The following DGKB variants were observed in gnomAD, a reference collection of about 807,000 sequenced individuals.
DGKB encodes the protein 90 kDa diacylglycerol kinase.
DGKB carries 67 observed loss-of-function variants against 114.3 expected under a neutral mutation model. That is an observed-to-expected ratio of 0.59 (90% CI 0.48 to 0.72). DGKB has a LOEUF of 0.72. DGKB is among the 30% of genes least tolerant of loss of function. The pLI is 0.00. For synonymous variants in DGKB, 398 were observed against 323.1 expected (o/e 1.23, Z -2.49); for missense variants, 907 against 975.2 (o/e 0.93, Z 0.93).
At chr7:14,844,621 C>G (rs4721380) in intron 1 of DGKB, among the ~76,000 whole-genome samples, 2 of 152,080 alleles carry the variant, frequency 1.3e-5, no homozygotes, top group East Asian at 1.9e-4. Flanking sequence ...CTTCTTAACT[C>G]GCTCCCTGAG....
intron 1 of DGKB, among the ~76,000 whole-genome samples, chr7:14,844,409 T>C (rs371781023): frequency 6.6e-6 from 1 of 152,164 alleles, no homozygotes; most frequent in South Asian, 2.1e-4. Context: ...TTTTTGTAAA[T>C]ATAGGTGATT....
intron 2 of DGKB, among the ~76,000 whole-genome samples, chr7:14,826,900 G>A (rs1273118096): frequency 6.6e-6 from 1 of 152,104 alleles, no homozygotes; most frequent in Non-Finnish European, 1.5e-5. Context: ...TGTAAACACT[G>A]TTTGTCTTAA....
chr7:14,272,507 T>G (rs2128436168), intron 23 of DGKB, among the ~76,000 whole-genome samples: 1 of 152,358 alleles, frequency 6.6e-6, no homozygotes, highest in South Asian at 2.1e-4. Context: ...ACCATTTTTC[T>G]ATTGAGATTT....
intron 21 of DGKB, among the ~76,000 whole-genome samples, chr7:14,449,195 TAGTA>T (rs1400892511): frequency 6.6e-6 from 1 of 152,106 alleles, no homozygotes; most frequent in Non-Finnish European, 1.5e-5. Context: ...CAAGTAATTT[TAGTA>T]AGTAATTTTT....
chr7:14,251,170 G>C (rs1419206312), intron 23 of DGKB, among the ~76,000 whole-genome samples: 1 of 151,988 alleles, frequency 6.6e-6, no homozygotes, highest in Non-Finnish European at 1.5e-5. Context: ...CTGTTATTTT[G>C]TTGTTTTCTG....
intron 2 of DGKB, among the ~76,000 whole-genome samples, chr7:14,826,702 A>G (rs1409590294): frequency 2.0e-5 from 3 of 152,136 alleles, no homozygotes; most frequent in Non-Finnish European, 4.4e-5. Flanking sequence ...TCTGGGCTTT[A>G]ATTTCCTCAT....
At chr7:14,684,050 G>C (rs756578006) in intron 10 of DGKB, among the ~76,000 whole-genome samples, 3 of 152,042 alleles carry the variant, frequency 2.0e-5, no homozygotes, top group Non-Finnish European at 4.4e-5. Context: ...TTTGTATAGG[G>C]AGAATGTTCT....
chr7:14,299,221 G>T (rs2128484971), intron 23 of DGKB, among the ~76,000 whole-genome samples: 1 of 152,206 alleles, frequency 6.6e-6, no homozygotes, highest in African/African-American at 2.4e-5. Flanking sequence ...TGGAGGAAAG[G>T]TAAGTAGAAG....
At chr7:14,468,188 T>A (rs1780757295) in intron 21 of DGKB, among the ~76,000 whole-genome samples, 1 of 152,182 alleles carries the variant, frequency 6.6e-6, no homozygotes, top group Non-Finnish European at 1.5e-5. Context: ...CAATTCCAAA[T>A]ACAGATCTAT....
chr7:14,254,375 G>A (rs1461389598), intron 23 of DGKB, among the ~76,000 whole-genome samples: 1 of 152,118 alleles, frequency 6.6e-6, no homozygotes, highest in East Asian at 1.9e-4. Context: ...CTATTTCTCT[G>A]ATCTTGATAT....
intron 20 of DGKB, among the ~76,000 whole-genome samples, chr7:14,498,041 T>C (rs978925657): frequency 6.6e-6 from 1 of 151,948 alleles, no homozygotes; most frequent in African/African-American, 2.4e-5. Context: ...GATTCTTAAC[T>C]GTTATAATAC....
chr7:14,265,834 T>C, intron 23 of DGKB, among the ~76,000 whole-genome samples: 1 of 152,200 alleles, frequency 6.6e-6, no homozygotes, highest in East Asian at 1.9e-4. Context: ...TTGTGTACTT[T>C]TTTCCAAATA....
At chr7:14,256,461 A>G (rs979844536) in intron 23 of DGKB, among the ~76,000 whole-genome samples, 5 of 18,310 alleles carry the variant, frequency 2.7e-4, no homozygotes, top group African/African-American at 2.0e-3. Flanking sequence ...ATTCTAAAAT[A>G]AATATTTTAT....
At chr7:14,465,918 C>A (rs1288983431) in intron 21 of DGKB, among the ~76,000 whole-genome samples, 1 of 151,766 alleles carries the variant, frequency 6.6e-6, no homozygotes, top group African/African-American at 2.4e-5. Context: ...CTGGTGTACA[C>A]AATTATTGAG....
rs887089147 is a variant in DGKB, at chr7:14,659,944, G to T, written c.1134+12985C>A. Among the ~76,000 whole-genome samples the T allele has an allele frequency of 4.0e-5, 6 of 151,724 alleles. No individual in the cohort carries two copies. The South Asian group carries it at 8.3e-4, about 21-fold the overall frequency. On this transcript the variant is annotated intron_variant, in intron 13 of 25. Transcript: ENST00000402815. ...TTTATTGAGAGTTTTTAGCATGAAG[G>T]GTTGTTGAATTTTGTCAAAGGCCTT...
At chr7:14,176,754 GA>G (rs1416293711) in intron 25 of DGKB, 84 bp downstream of exon 25, 5 of 1,552,628 alleles carry the variant, frequency 3.2e-6, no homozygotes, top group South Asian at 2.4e-5. Context: ...AAGAAATAAA[GA>G]AAAAAATCAG....
chr7:14,253,254 C>T (rs10265160), intron 23 of DGKB, among the ~76,000 whole-genome samples: 19,710 of 151,890 alleles, frequency 0.13, 1,382 homozygotes, highest in Non-Finnish European at 0.15. Context: ...AGGCTGGTCT[C>T]GAACTCCTGA....
At chr7:14,888,384 A>G (rs1780649885) in intron 1 of DGKB, among the ~76,000 whole-genome samples, 1 of 151,668 alleles carries the variant, frequency 6.6e-6, no homozygotes, top group South Asian at 2.1e-4. Context: ...ATACTTAAAA[A>G]GTCCTCTTCC....
Position 14,818,015 on chromosome 7 carries a change from A to C in DGKB, c.70+23179T>G, listed in dbSNP as rs537669719. Among the ~76,000 whole-genome samples, 4 of 152,272 alleles carry C rather than the reference A, an allele frequency of 2.6e-5. No individual in the cohort carries two copies. The South Asian group carries it at 8.3e-4, about 32-fold the overall frequency. Reference sequence around the variant, plus strand: ...CTCTACTAGGTGCTAATATAAGAGAAAGCAACCCAGATACCAACTGGGAAA... The same window carrying C: ...CTCTACTAGGTGCTAATATAAGAGACAGCAACCCAGATACCAACTGGGAAA... On this transcript the variant is annotated intron_variant, in intron 2 of 25. Coordinates refer to ENST00000402815, the MANE Select transcript of DGKB (RefSeq NM_001350709.2).
Sources: gnomAD v4.1 joint callset for allele counts (sites outside exome capture counted in the v4.1 genomes callset) on GRCh38, gnomAD v4.1.1 for gene constraint, MANE v1.5 for transcripts, NCBI Gene and HGNC (gene_info 2026-07-23, HGNC 2026-07-21) for gene names.